The following MNS1 variants were observed in gnomAD, a reference collection of about 807,000 sequenced individuals.
MNS1 encodes the protein meiosis specific nuclear structural 1.
In MNS1, 63 loss-of-function variants were observed where a neutral mutation model predicts 72.0. The ratio of observed to expected loss-of-function variants is 0.87; its 90% CI spans 0.71 to 1.08. The LOEUF (loss-of-function observed/expected upper bound fraction) is 1.08, where lower values mean the gene tolerates loss of function less well. MNS1 is among the 50% of genes least tolerant of loss of function. The pLI is 0.00. For missense variants in MNS1, 604 were observed against 562.4 expected (o/e 1.07, Z -0.75); for synonymous variants, 188 against 172.1 (o/e 1.09, Z -0.72).
intron 9 of MNS1, 66 bp from the exon 10 acceptor site, chr15:56,429,259 C>T (rs1402034474): frequency 4.0e-6 from 4 of 1,009,032 alleles, no homozygotes; most frequent in Admixed American, 2.3e-5. Context: ...GCTTTTAAGA[C>T]TGACAGACAT....
intron 9 of MNS1, chr15:56,429,510 A>C: frequency 5.3e-6 from 1 of 188,874 alleles, no homozygotes; most frequent in Non-Finnish European, 1.1e-5. Flanking sequence ...ACTGTACCCT[A>C]CCCTTTTCTT....
chr15:56,436,938 C>A (rs186277961), intron 7 of MNS1, among the ~76,000 whole-genome samples: 1 of 152,042 alleles, frequency 6.6e-6, no homozygotes, highest in Non-Finnish European at 1.5e-5. Flanking sequence ...CAATAACAGG[C>A]TCTGAAATTG....
At chr15:56,437,907 A>G (rs2140341377) in intron 7 of MNS1, among the ~76,000 whole-genome samples, 1 of 152,304 alleles carries the variant, frequency 6.6e-6, no homozygotes, top group African/African-American at 2.4e-5. Context: ...CCAACTTACA[A>G]GGGATGTGAA....
At chr15:56,441,953 T>C (rs545685286) in intron 7 of MNS1, among the ~76,000 whole-genome samples, 8 of 151,566 alleles carry the variant, frequency 5.3e-5, no homozygotes, top group Non-Finnish European at 8.8e-5. Flanking sequence ...CCGGGAGGCA[T>C]AGCTTGCAGT....
intron 2 of MNS1, among the ~76,000 whole-genome samples, chr15:56,461,121 G>T (rs80212505): frequency 2.0e-5 from 3 of 152,096 alleles, no homozygotes; most frequent in Admixed American, 6.5e-5. Flanking sequence ...GTTCTATTCA[G>T]GCCTTCAACT....
In MNS1 at chr15:56,464,188, G is replaced by C. The variant is rs1328693406; in HGVS notation, c.63C>G (p.Asn21Lys). Residue 21 changes from asparagine to lysine, a missense_variant, in exon 2 of 10, where the codon AAC becomes AAG. Physicochemically the swap from Asn to Lys is moderately conservative, Grantham distance 94. Transcript: ENST00000260453. ...CTTGGACATGTAATTTTTTGCAGTA[G>C]TTTTCATCTACTAATTTCTGATGCC... is the stretch of plus-strand genomic sequence containing the variant. The part of the protein sequence containing the change: ...SERHQKLVDE[N>K]YCKKLHVQAL... 1.2e-6 allele frequency: 2 copies of C among 1,613,598 alleles called. No homozygotes were observed. Among genetic ancestry groups the C allele is most frequent in the African/African-American group, 2.7e-5 (2 of 74,824 alleles).
chr15:56,458,652 C>G (rs2050996494), intron 2 of MNS1, among the ~76,000 whole-genome samples: 1 of 152,152 alleles, frequency 6.6e-6, no homozygotes. Flanking sequence ...TACATTTTTA[C>G]TGTTTCCATA....
chr15:56,443,775 TC>T lies in MNS1; in HGVS notation c.765del (p.Trp255Ter), dbSNP rs1374729936. The T allele has an allele frequency of 6.2e-7, 1 of 1,613,168 alleles. No individual in the cohort carries two copies. Among genetic ancestry groups the T allele is most frequent in the South Asian group, 1.1e-5 (1 of 90,946 alleles). On this transcript the variant is annotated frameshift_variant, in exon 6 of 10. Transcript: ENST00000260453. LOFTEE classifies it high-confidence loss of function. Reference sequence around the variant, plus strand: ...TCCATCTCCTCACGTTTCTTTTTTCTCCAGAGAGCCTGCTCTTTCTGAAACT... The same window carrying T: ...TCCATCTCCTCACGTTTCTTTTTTCTCAGAGAGCCTGCTCTTTCTGAAACT... The part of the protein sequence containing the change: ...IEEFQKEQAL[W>X]RKKKREEMEE...
intron 3 of MNS1, among the ~76,000 whole-genome samples, chr15:56,453,031 TAGTC>T (rs1309519724): frequency 1.3e-5 from 2 of 152,230 alleles, no homozygotes; most frequent in African/African-American, 4.8e-5. Flanking sequence ...TATTCTCTAT[TAGTC>T]AGTTATATTT....
At position 56,446,895 on chromosome 15, in the gene MNS1, A is replaced by G; in HGVS notation, c.402T>C (p.Asn134=). ...LEKKLKAAYM[N]KERAAQIAEK... ...CAGCAATCTGAGCTGCCCTTTCTTT[A>G]TTCATGTAAGCTGCTTTTAATTTCT... The change falls in exon 4 of 10, where the codon AAT becomes AAC. Residue 134 remains asparagine (N), a synonymous_variant. Transcript: ENST00000260453. 6.2e-7 allele frequency: 1 copy of G among 1,610,586 alleles called. No homozygotes were observed. The highest frequency in any genetic ancestry group is 8.5e-7 in the Non-Finnish European group (1 of 1,179,160).
intron 3 of MNS1, among the ~76,000 whole-genome samples, chr15:56,448,672 T>G (rs2050925400): frequency 6.6e-6 from 1 of 152,192 alleles, no homozygotes; most frequent in African/African-American, 2.4e-5. Flanking sequence ...TCTTTGCTAT[T>G]ATGAATAGCA....
chr15:56,448,748 ATTCT>A (rs1487665740), intron 3 of MNS1, among the ~76,000 whole-genome samples: 1 of 134,422 alleles, frequency 7.4e-6, no homozygotes, highest in Non-Finnish European at 1.6e-5. Flanking sequence ...TTATTTTTAG[ATTCT>A]TTTTTTTTTT....
At chr15:56,431,268 C>T (rs1361331622) in intron 9 of MNS1, 105 bp downstream of exon 9, 1 of 1,339,638 alleles carries the variant, frequency 7.5e-7, no homozygotes, top group African/African-American at 1.5e-5. Flanking sequence ...TGCTTCATAA[C>T]CGAGCAAGAA....
chr15:56,452,518 TTTTC>T (rs1439913814), intron 3 of MNS1, among the ~76,000 whole-genome samples: 1 of 134,760 alleles, frequency 7.4e-6, no homozygotes, highest in Non-Finnish European at 1.6e-5. Flanking sequence ...TGTTTTCTTT[TTTTC>T]TTTTTTTTTT....
intron 9 of MNS1, among the ~76,000 whole-genome samples, chr15:56,430,427 A>G (rs184963862): frequency 1.5e-3 from 230 of 152,214 alleles, no homozygotes; most frequent in African/African-American, 5.4e-3. Context: ...GCTGGTCTTG[A>G]ACTCCTGGGC....
intron 2 of MNS1, among the ~76,000 whole-genome samples, chr15:56,460,598 G>A (rs1232191091): frequency 6.6e-6 from 1 of 152,122 alleles, no homozygotes; most frequent in Non-Finnish European, 1.5e-5. Context: ...CAGGTGAAGG[G>A]TATATGTGAA....
intron 2 of MNS1, chr15:56,463,780 CA>C (rs769290574): frequency 0.15 from 52,801 of 341,818 alleles, no homozygotes; most frequent in South Asian, 0.21. Flanking sequence ...AGACTCCATC[CA>C]AAAAAAAAAA....
intron 2 of MNS1, among the ~76,000 whole-genome samples, chr15:56,460,176 G>C (rs955861827): frequency 6.6e-6 from 1 of 150,940 alleles, no homozygotes. Context: ...TAACAGGGTT[G>C]CAACATTTTC....
chr15:56,460,405 T>G (rs1298887356), intron 2 of MNS1, among the ~76,000 whole-genome samples: 2 of 152,094 alleles, frequency 1.3e-5, no homozygotes, highest in South Asian at 2.1e-4. Context: ...CTCTCAAGGC[T>G]AAAAACTAAG....
Sources: allele counts gnomAD v4.1 joint callset (sites outside exome capture counted in the v4.1 genomes callset), GRCh38; gene constraint gnomAD v4.1.1; transcripts MANE v1.5; gene names NCBI Gene and HGNC (gene_info 2026-07-23, HGNC 2026-07-21).